Variants in GALNT13 observed in about 807,000 individuals in gnomAD.
The protein encoded by GALNT13 is polypeptide N-acetylgalactosaminyltransferase 13, also known as UDP-GalNAc:polypeptide N-acetylgalactosaminyltransferase 13.
In GALNT13, 28 loss-of-function variants were observed where a neutral mutation model predicts 64.2. That is an observed-to-expected ratio of 0.44 (90% CI 0.32 to 0.60). The LOEUF (loss-of-function observed/expected upper bound fraction) is 0.60, where lower values mean the gene tolerates loss of function less well. Ranked by LOEUF, GALNT13 falls within the 20% of genes least tolerant of loss-of-function variation. The pLI is 0.05. For synonymous variants in GALNT13, 214 were observed against 224.6 expected, an observed-to-expected ratio of 0.95 and a Z score of 0.42; for missense variants, 577 against 669.8, an observed-to-expected ratio of 0.86 and a Z score of 1.53.
chr2:153,439,168 C>T, the GALNT13 span, among the ~76,000 whole-genome samples: 1 of 152,126 alleles, frequency 6.6e-6, no homozygotes, highest in African/African-American at 2.4e-5. Flanking sequence ...GCTGCCTGAT[C>T]GTTCCTCTGG....
At chr2:153,370,572 A>C in the GALNT13 span, 2 of 152,180 alleles carry the variant, frequency 1.3e-5, no homozygotes, top group Non-Finnish European at 2.9e-5. Context: ...ATAAAAGTTC[A>C]ATATATGTAG....
chr2:154,372,900 C>A (rs1160387222), intron 9 of GALNT13, among the ~76,000 whole-genome samples: 2 of 151,934 alleles, frequency 1.3e-5, no homozygotes, highest in Non-Finnish European at 2.9e-5. Flanking sequence ...TTGCCCTTTT[C>A]AATATGATAA....
chr2:154,220,366 A>G (rs1302803180), intron 4 of GALNT13, among the ~76,000 whole-genome samples: 1 of 152,104 alleles, frequency 6.6e-6, no homozygotes. Flanking sequence ...CTTGGAATTC[A>G]AAAGACTGAA....
the GALNT13 span, among the ~76,000 whole-genome samples, chr2:153,519,219 T>C: frequency 2.0e-4 from 31 of 152,212 alleles, no homozygotes; most frequent in African/African-American, 7.2e-4. Context: ...CGGCTTGATT[T>C]AATAATTCAC....
At chr2:154,111,652 C>T (rs2105491584) in intron 3 of GALNT13, among the ~76,000 whole-genome samples, 1 of 152,276 alleles carries the variant, frequency 6.6e-6, no homozygotes, top group Admixed American at 6.5e-5. Flanking sequence ...AGGTGATGGT[C>T]AGTGGTCCCA....
intron 9 of GALNT13, among the ~76,000 whole-genome samples, chr2:154,335,178 A>G (rs1695370045): frequency 6.6e-6 from 1 of 151,808 alleles, no homozygotes; most frequent in Non-Finnish European, 1.5e-5. Context: ...ATTTACTTCT[A>G]TGTGGTAGCA....
At chr2:153,398,194 T>C in the GALNT13 span, among the ~76,000 whole-genome samples, 1 of 151,986 alleles carries the variant, frequency 6.6e-6, no homozygotes, top group East Asian at 1.9e-4. Context: ...GTTCTTGCGA[T>C]AGTTTACTGA....
intron 3 of GALNT13, among the ~76,000 whole-genome samples, chr2:154,001,167 C>A (rs1695878016): frequency 6.6e-6 from 1 of 151,800 alleles, no homozygotes; most frequent in African/African-American, 2.4e-5. Context: ...CAGTTTCTAT[C>A]TTTGTGCATC....
intron 2 of GALNT13, among the ~76,000 whole-genome samples, chr2:153,932,339 A>G (rs1011741253): frequency 2.6e-5 from 4 of 151,294 alleles, no homozygotes; most frequent in African/African-American, 9.7e-5. Flanking sequence ...TTTGAGATCA[A>G]TTTGCCCTTG....
At position 154,242,800 on chromosome 2, in the gene GALNT13, G is replaced by C. The variant is rs374003992; in HGVS notation, c.581G>C (p.Arg194Pro). The C allele has an allele frequency of 1.9e-6, 3 of 1,614,104 alleles. No homozygotes were observed. The highest frequency in any genetic ancestry group is 2.5e-6 in the Non-Finnish European group (3 of 1,179,962). ...TCTGGGTTAATACGTGCCCGTCTTC[G>C]AGGAGCAGCTGCTTCAAAAGGGCAG... ...ERSGLIRARL[R>P]GAAASKGQVI... The change falls in exon 6 of 13, where the codon CGA becomes CCA. Residue 194 changes from arginine to proline, a missense_variant. Coordinates refer to ENST00000392825, the MANE Select transcript of GALNT13 (RefSeq NM_052917.4).
chr2:154,261,490 T>C (rs1690694160), intron 8 of GALNT13, among the ~76,000 whole-genome samples: 1 of 152,180 alleles, frequency 6.6e-6, no homozygotes, highest in Non-Finnish European at 1.5e-5. Flanking sequence ...GCTAGAATAG[T>C]GCATTGACAA....
chr2:154,242,493 A>G (rs1689548300), intron 5 of GALNT13, among the ~76,000 whole-genome samples: 2 of 152,122 alleles, frequency 1.3e-5, no homozygotes, highest in Non-Finnish European at 2.9e-5. Flanking sequence ...TCAATTGATT[A>G]TATTATTGAG....
the GALNT13 span, among the ~76,000 whole-genome samples, chr2:153,702,168 A>G: frequency 6.6e-6 from 1 of 152,226 alleles, no homozygotes; most frequent in African/African-American, 2.4e-5. Context: ...GAATGAGATC[A>G]TGTTCTTTGC....
intron 9 of GALNT13, among the ~76,000 whole-genome samples, chr2:154,357,797 C>G (rs1048119740): frequency 2.6e-5 from 4 of 151,986 alleles, no homozygotes; most frequent in Admixed American, 1.3e-4. Flanking sequence ...TAACATCGGT[C>G]TTTCAGTGTA....
chr2:153,234,097 C>T, the GALNT13 span, among the ~76,000 whole-genome samples: 1 of 152,130 alleles, frequency 6.6e-6, no homozygotes, highest in Admixed American at 6.5e-5. Context: ...ACTGAATTCT[C>T]AAATTTGAAA....
the GALNT13 span, among the ~76,000 whole-genome samples, chr2:153,239,850 G>A: frequency 6.6e-6 from 1 of 152,044 alleles, no homozygotes; most frequent in Non-Finnish European, 1.5e-5. Flanking sequence ...GAATGAGTTT[G>A]GAAGTATTGC....
intron 10 of GALNT13, among the ~76,000 whole-genome samples, chr2:154,401,417 T>C (rs564700690): frequency 3.5e-4 from 53 of 152,262 alleles, no homozygotes; most frequent in African/African-American, 1.2e-3. Flanking sequence ...CGGACATTTT[T>C]CTGTTCATTT....
chr2:153,335,130 C>T, the GALNT13 span, among the ~76,000 whole-genome samples: 1 of 152,168 alleles, frequency 6.6e-6, no homozygotes, highest in Non-Finnish European at 1.5e-5. Context: ...CTGAGGCTTC[C>T]CCAGCCACAT....
chr2:153,987,600 A>G (rs774227955), intron 3 of GALNT13, among the ~76,000 whole-genome samples: 2 of 151,918 alleles, frequency 1.3e-5, no homozygotes, highest in African/African-American at 4.8e-5. Flanking sequence ...ATGAAAGAGC[A>G]AGAAGCTAGG....
Sources: gnomAD v4.1 joint callset for allele counts (sites outside exome capture counted in the v4.1 genomes callset) on GRCh38, gnomAD v4.1.1 for gene constraint, MANE v1.5 for transcripts, NCBI Gene and HGNC (gene_info 2026-07-23, HGNC 2026-07-21) for gene names.